The following TMEM232 variants were observed in gnomAD, a reference collection of about 807,000 sequenced individuals.
TMEM232 encodes transmembrane protein 232.
A neutral mutation model predicts 78.8 loss-of-function variants in TMEM232; 80 were observed. The ratio of observed to expected loss-of-function variants is 1.01; its 90% CI spans 0.85 to 1.22. The LOEUF is 1.22. Among genes scored for constraint, TMEM232 ranks in the 50% most tolerant of loss-of-function variants. TMEM232 has a pLI of 0.00. For missense variants in TMEM232, 881 were observed against 742.2 expected, an observed-to-expected ratio of 1.19 and a Z score of -2.17; for synonymous variants, 297 against 254.3, an observed-to-expected ratio of 1.17 and a Z score of -1.60.
chr5:110,493,984 T>C (rs1580921457), intron 12 of TMEM232, among the ~76,000 whole-genome samples: 1 of 152,146 alleles, frequency 6.6e-6, no homozygotes, highest in East Asian at 1.9e-4. Flanking sequence ...CCTGTGTCCA[T>C]ATGTTCTCAT....
Position 110,626,791 on chromosome 5 carries a change from T to C in TMEM232, c.601+990A>G, listed in dbSNP as rs190810716. 1.7e-4 allele frequency among the ~76,000 whole-genome samples: 26 copies of C among 152,196 alleles called. No homozygotes were observed. The East Asian group carries it at 4.6e-3, about 27-fold the overall frequency. On this transcript the variant is annotated intron_variant, in intron 6 of 13. Coordinates refer to ENST00000455884, the MANE Select transcript of TMEM232 (RefSeq NM_001039763.4). The stretch of plus-strand genomic sequence containing the variant: ...TCTGATTGTAGAAACTCATCATTTT[T>C]CAGACCTTCTACTATTTAATACTTC...
chr5:110,524,167 G>A (rs1418134058), intron 12 of TMEM232, among the ~76,000 whole-genome samples: 1 of 150,392 alleles, frequency 6.6e-6, no homozygotes, highest in East Asian at 1.9e-4. Context: ...GGAGGCTGAG[G>A]CATAAGAATT....
intron 11 of TMEM232, among the ~76,000 whole-genome samples, chr5:110,544,434 C>A (rs1359897458): frequency 3.9e-5 from 4 of 103,030 alleles, no homozygotes; most frequent in African/African-American, 9.0e-5. Context: ...TAGCAATACA[C>A]ACATATCAAA....
intron 13 of TMEM232, 56 bp downstream of exon 13, chr5:110,424,767 A>G: frequency 7.6e-7 from 1 of 1,317,122 alleles, no homozygotes; most frequent in Non-Finnish European, 1.1e-6. Context: ...TTTATCATTT[A>G]AAGTGCTTTT....
At chr5:110,737,872 T>A (rs1799360422) in intron 1 of TMEM232, 1 of 153,574 alleles carries the variant, frequency 6.5e-6, no homozygotes, top group Non-Finnish European at 1.5e-5. Context: ...CTCAACACCT[T>A]TGCCCAAGCT....
At position 110,525,581 on chromosome 5, in the gene TMEM232, G is replaced by A. The variant is rs558909652; in HGVS notation, c.1703+3007C>T. Among the ~76,000 whole-genome samples the A allele has an allele frequency of 2.6e-5, 4 of 151,902 alleles. No individual in the cohort carries two copies. In the South Asian group the frequency reaches 8.3e-4, roughly 32 times the overall value. On this transcript the variant is annotated intron_variant, in intron 12 of 13. Coordinates refer to ENST00000455884, the MANE Select transcript of TMEM232 (RefSeq NM_001039763.4). ...TGGAAATACATGCCATATTGTTAGA[G>A]ATACTATATCTCAACATTATGGAGT... is the stretch of plus-strand genomic sequence containing the variant.
intron 11 of TMEM232, among the ~76,000 whole-genome samples, chr5:110,549,417 C>A (rs1249726709): frequency 2.0e-5 from 3 of 151,516 alleles, no homozygotes; most frequent in East Asian, 1.9e-4. Context: ...AAATGTGAGA[C>A]CAGCCTGGGC....
chr5:110,472,328 A>G (rs1254488160), intron 12 of TMEM232, among the ~76,000 whole-genome samples: 1 of 152,008 alleles, frequency 6.6e-6, no homozygotes, highest in Admixed American at 6.6e-5. Flanking sequence ...CTTGGAATAA[A>G]TTTAACTAAG....
At chr5:110,427,406 T>A (rs1266698759) in intron 12 of TMEM232, among the ~76,000 whole-genome samples, 2 of 151,992 alleles carry the variant, frequency 1.3e-5, no homozygotes, top group Non-Finnish European at 2.9e-5. Flanking sequence ...GGTGTTTAGC[T>A]GTATTATCAA....
chr5:110,738,661 G>A (rs953412463), upstream of TMEM232: 11 of 210,760 alleles, frequency 5.2e-5, no homozygotes, highest in Non-Finnish European at 9.6e-5. Context: ...CCAGGCCCGT[G>A]AGAAAACACT....
chr5:110,479,490 A>G (rs959362492), intron 12 of TMEM232, among the ~76,000 whole-genome samples: 2 of 151,870 alleles, frequency 1.3e-5, no homozygotes, highest in Non-Finnish European at 1.5e-5. Flanking sequence ...ATGCTGCCTT[A>G]TAACACTAGA....
intron 12 of TMEM232, among the ~76,000 whole-genome samples, chr5:110,499,684 A>G (rs2149439861): frequency 6.6e-6 from 1 of 151,078 alleles, no homozygotes; most frequent in South Asian, 2.1e-4. Context: ...AAAAATTAGT[A>G]TGGAAATATT....
chr5:110,696,529 G>T (rs1794799832), intron 1 of TMEM232, among the ~76,000 whole-genome samples: 1 of 152,186 alleles, frequency 6.6e-6, no homozygotes, highest in Non-Finnish European at 1.5e-5. Context: ...GTTTGCAGAT[G>T]ACATGATTGT....
intron 2 of TMEM232, among the ~76,000 whole-genome samples, chr5:110,646,060 A>G (rs1328395857): frequency 6.6e-6 from 1 of 151,644 alleles, no homozygotes. Context: ...AGGAATTTAC[A>G]GAAAACACAG....
chr5:110,693,805 G>A (rs191438859), intron 1 of TMEM232, among the ~76,000 whole-genome samples: 4,426 of 152,264 alleles, frequency 0.029, 224 homozygotes, highest in African/African-American at 0.1. Context: ...GGGACTATGT[G>A]AAAAGACCAA....
chr5:110,499,735 A>C (rs1766036155), intron 12 of TMEM232, among the ~76,000 whole-genome samples: 1 of 152,108 alleles, frequency 6.6e-6, no homozygotes, highest in Non-Finnish European at 1.5e-5. Context: ...GGATATTACC[A>C]GAATTAAAAA....
intron 8 of TMEM232, among the ~76,000 whole-genome samples, chr5:110,616,281 T>A (rs1161555903): frequency 1.3e-5 from 2 of 152,024 alleles, no homozygotes; most frequent in Non-Finnish European, 2.9e-5. Context: ...TATGGTCAAT[T>A]CATTTTTGAC....
At chr5:110,618,334 T>C in intron 8 of TMEM232, 95 bp downstream of exon 8, 1 of 1,453,428 alleles carries the variant, frequency 6.9e-7, no homozygotes, top group South Asian at 1.3e-5. Flanking sequence ...CATAGTCAAC[T>C]GAGGTGTGAT....
At chr5:110,602,645 A>G (rs147391588) in intron 10 of TMEM232, among the ~76,000 whole-genome samples, 1,777 of 152,318 alleles carry the variant, frequency 0.012, 13 homozygotes, top group Non-Finnish European at 0.018. Flanking sequence ...AGGAAACAAC[A>G]GATGCTGGAG....
Sources: gnomAD v4.1 joint callset for allele counts (sites outside exome capture counted in the v4.1 genomes callset) on GRCh38, gnomAD v4.1.1 for gene constraint, MANE v1.5 for transcripts, NCBI Gene and HGNC (gene_info 2026-07-23, HGNC 2026-07-21) for gene names.